MGRN1: variants seen among roughly 807,000 people sequenced by gnomAD.
MGRN1 encodes the protein mahogunin ring finger 1.
Under a neutral mutation model 69.2 loss-of-function variants are expected in MGRN1, and 29 were observed. The ratio of observed to expected loss-of-function variants is 0.42; its 90% CI spans 0.31 to 0.57. The LOEUF (loss-of-function observed/expected upper bound fraction) is 0.57. MGRN1 is among the 20% of genes least tolerant of loss of function. MGRN1 has a pLI of 0.15. For synonymous variants in MGRN1, 470 were observed against 344.2 expected (o/e 1.37, Z -4.04); for missense variants, 998 against 796.2 (o/e 1.25, Z -3.05).
At chr16:4,646,133 G>A (rs933735267) in intron 1 of MGRN1, among the ~76,000 whole-genome samples, 2 of 152,040 alleles carry the variant, frequency 1.3e-5, no homozygotes, top group East Asian at 1.9e-4. Flanking sequence ...ACCATCACTC[G>A]TGAGTCCTCA....
At chr16:4,648,054 C>T (rs2078311188) in intron 1 of MGRN1, among the ~76,000 whole-genome samples, 1 of 152,246 alleles carries the variant, frequency 6.6e-6, no homozygotes, top group Non-Finnish European at 1.5e-5. Flanking sequence ...CCGCTGAAGG[C>T]CCCGGGAAGG....
chr16:4,650,747 C>T, intron 2 of MGRN1: 1 of 343,244 alleles, frequency 2.9e-6, no homozygotes, highest in Non-Finnish European at 5.3e-6. Context: ...GTCTGGGCTG[C>T]AACGGCTGCG....
At chr16:4,639,530 G>C (rs764095426) in intron 1 of MGRN1, among the ~76,000 whole-genome samples, 1 of 152,204 alleles carries the variant, frequency 6.6e-6, no homozygotes, top group African/African-American at 2.4e-5. Flanking sequence ...GGCTACCTAG[G>C]ATGGAACAGG....
At chr16:4,683,028 C>A in intron 14 of MGRN1, 82 bp downstream of exon 14, 2 of 1,481,654 alleles carry the variant, frequency 1.3e-6, no homozygotes, top group South Asian at 1.3e-5. Flanking sequence ...AGACCCCATC[C>A]CACTGCCCGC....
chr16:4,645,794 A>G (rs765734025), intron 1 of MGRN1, among the ~76,000 whole-genome samples: 9 of 152,178 alleles, frequency 5.9e-5, no homozygotes, highest in Non-Finnish European at 1.2e-4. Context: ...GACCTGCCCC[A>G]GTGTGGCTGG....
intron 5 of MGRN1, among the ~76,000 whole-genome samples, chr16:4,661,233 C>T (rs2078673219): frequency 6.6e-6 from 1 of 152,140 alleles, no homozygotes; most frequent in African/African-American, 2.4e-5. Flanking sequence ...CGTACCTCGG[C>T]CTCCCAGAGT....
chr16:4,666,823 A>G (rs1227758156), intron 7 of MGRN1, among the ~76,000 whole-genome samples: 1 of 152,172 alleles, frequency 6.6e-6, no homozygotes, highest in Non-Finnish European at 1.5e-5. Context: ...CGAGGGCAGC[A>G]CTGTCCTCTT....
intron 1 of MGRN1, among the ~76,000 whole-genome samples, chr16:4,638,567 C>T (rs976882083): frequency 3.9e-5 from 6 of 152,132 alleles, no homozygotes; most frequent in African/African-American, 1.2e-4. Flanking sequence ...GGGATCAATG[C>T]GTGGGTGATA....
chr16:4,645,291 TG>T (rs1205200330), intron 1 of MGRN1, among the ~76,000 whole-genome samples: 4 of 152,090 alleles, frequency 2.6e-5, no homozygotes, highest in African/African-American at 9.7e-5. Context: ...GTGAGTGTCC[TG>T]AGTAGCTAGG....
chr16:4,672,872 C>G (rs1334263859), intron 9 of MGRN1, among the ~76,000 whole-genome samples: 1 of 152,146 alleles, frequency 6.6e-6, no homozygotes, highest in South Asian at 2.1e-4. Flanking sequence ...GAGTCTTGCT[C>G]TGTTGCCCAG....
intron 1 of MGRN1, among the ~76,000 whole-genome samples, chr16:4,629,269 C>A (rs527608128): frequency 6.6e-6 from 1 of 151,578 alleles, no homozygotes; most frequent in African/African-American, 2.4e-5. Context: ...ACAAAGAGTT[C>A]TTTATGTGTT....
chr16:4,690,791 G>GC lies in MGRN1; in HGVS notation c.*1889dup, dbSNP rs1220425647. On this transcript the variant is annotated 3_prime_UTR_variant, in exon 17 of 17. Coordinates refer to ENST00000262370, the MANE Select transcript of MGRN1 (RefSeq NM_015246.4). ...ACACACACAGCCCCCTGCACCGCCC[G>GC]CCCCCCGCCCCCACCAAGGCCCCAG... The GC allele has an allele frequency of 1.8e-4, 3 of 16,526 alleles. No homozygotes were observed. Among genetic ancestry groups the GC allele is most frequent in the East Asian group, 7.7e-4 (1 of 1,300 alleles). The allele number at this position is 16,526 out of a possible 1,614,324, so 1.0% of individuals were successfully genotyped here.
rs374049184 is a variant in MGRN1, at chr16:4,668,320, A to G, written c.726+8A>G. 3 of 1,613,672 alleles carry G rather than the reference A, an allele frequency of 1.9e-6. No homozygotes were observed. The highest frequency in any genetic ancestry group is 2.5e-6 in the Non-Finnish European group (3 of 1,179,850). ...TTAAAGCAGAAGCAAATTGTAAGTC[A>G]TCAGAGGAAATATGACGTGCTTGAA... On this transcript the variant is annotated splice_region_variant and intron_variant, in intron 8 of 16. Coordinates refer to ENST00000262370, the MANE Select transcript of MGRN1 (RefSeq NM_015246.4).
At chr16:4,649,390 G>A (rs932631455) in intron 1 of MGRN1, 2 of 152,208 alleles carry the variant, frequency 1.3e-5, no homozygotes, top group African/African-American at 4.8e-5. Flanking sequence ...GTCAGAAACC[G>A]AGGTGCCAGC....
rs769168245 is a variant in MGRN1 at position 4,687,017 on chromosome 16, G to A, written c.1619-1779G>A. ...CGCTCACACAGCCACCTGCTCCCCC[G>A]CTCCCTCCTTCCCTTGTCAGCATGG... On this transcript the variant is annotated intron_variant, in intron 16 of 16. Transcript: ENST00000262370. 54 of 985,474 alleles carry A rather than the reference G, an allele frequency of 5.5e-5. 1 individual carries two copies. The highest frequency in any genetic ancestry group is 4.3e-4 in the Admixed American group (7 of 16,248). 61.0% of individuals were successfully genotyped at this position (985,474 alleles called of 1,614,324 possible).
intron 7 of MGRN1, among the ~76,000 whole-genome samples, chr16:4,667,906 A>C (rs181748537): frequency 9.4e-4 from 143 of 152,002 alleles, no homozygotes; most frequent in Non-Finnish European, 1.7e-3. Flanking sequence ...CTGCCAGGTG[A>C]TACTTCTCGG....
intron 3 of MGRN1, among the ~76,000 whole-genome samples, chr16:4,652,378 A>G (rs2078429268): frequency 6.6e-6 from 1 of 152,026 alleles, no homozygotes; most frequent in East Asian, 1.9e-4. Context: ...ACAGACAGGA[A>G]TGACCCAGCA....
At chr16:4,668,840 A>C (rs1178048958) in intron 8 of MGRN1, among the ~76,000 whole-genome samples, 1 of 152,134 alleles carries the variant, frequency 6.6e-6, no homozygotes, top group Non-Finnish European at 1.5e-5. Flanking sequence ...ATACCCACAC[A>C]TATACTCACA....
chr16:4,643,184 T>C (rs1186503064), intron 1 of MGRN1, among the ~76,000 whole-genome samples: 3 of 151,810 alleles, frequency 2.0e-5, no homozygotes, highest in African/African-American at 7.3e-5. Context: ...TCAATCTCGA[T>C]CTCCTGACCT....
Sources: gnomAD v4.1 joint callset for allele counts (sites outside exome capture counted in the v4.1 genomes callset) on GRCh38, gnomAD v4.1.1 for gene constraint, MANE v1.5 for transcripts, NCBI Gene and HGNC (gene_info 2026-07-23, HGNC 2026-07-21) for gene names.